The following ACVR1B variants were observed in gnomAD, a reference collection of about 807,000 sequenced individuals.
ACVR1B encodes activin A receptor type 1B.
A neutral mutation model predicts 55.6 loss-of-function variants in ACVR1B; 15 were observed. That is an observed-to-expected ratio of 0.27 (90% CI 0.18 to 0.42). The LOEUF (loss-of-function observed/expected upper bound fraction) is 0.42, where lower values mean the gene tolerates loss of function less well. Among genes scored for constraint, ACVR1B ranks in the 10% least tolerant of loss-of-function variants. ACVR1B has a pLI of 1.00. For synonymous variants in ACVR1B, 247 were observed against 254.6 expected, an observed-to-expected ratio of 0.97 and a Z score of 0.28; for missense variants, 359 against 670.1, an observed-to-expected ratio of 0.54 and a Z score of 5.13.
intron 7 of ACVR1B, among the ~76,000 whole-genome samples, chr12:51,989,351 CT>C (rs956144162): frequency 6.6e-6 from 1 of 152,236 alleles, no homozygotes; most frequent in African/African-American, 2.4e-5. Flanking sequence ...ATGGCACAAT[CT>C]TAGCTCACTG....
intron 8 of ACVR1B, among the ~76,000 whole-genome samples, chr12:51,993,764 CTAAAAAA>C (rs1224013874): frequency 3.3e-5 from 2 of 60,076 alleles, no homozygotes; most frequent in African/African-American, 1.3e-4. Flanking sequence ...GAGACTCCTT[CTAAAAAA>C]AAAAAAAAAA....
At chr12:51,989,848 G>A (rs1440283360) in intron 7 of ACVR1B, among the ~76,000 whole-genome samples, 3 of 152,074 alleles carry the variant, frequency 2.0e-5, no homozygotes, top group Non-Finnish European at 4.4e-5. Flanking sequence ...TGCCAGGTAT[G>A]GTAGCGTACG....
At chr12:51,951,894 T>A (rs2120385096) in intron 1 of ACVR1B, 60 bp downstream of exon 1, 1 of 1,084,398 alleles carries the variant, frequency 9.2e-7, no homozygotes, top group Non-Finnish European at 1.2e-6. Context: ...GGGCGAGGCC[T>A]CGAGCCGCGG....
Position 51,991,876 on chromosome 12 carries a change from A to G in ACVR1B, c.1275A>G (p.Glu425=). ...RRCNSGGVHE[E]YQLPYYDLVP... ...CTTTTCTCCCAGGAGTCCATGAAGA[A>G]TATCAGCTGCCATATTACGACTTAG... Residue 425 remains glutamate, a synonymous_variant, in exon 8 of 9, where the codon GAA becomes GAG. Coordinates refer to ENST00000257963, the MANE Select transcript of ACVR1B (RefSeq NM_004302.5). The G allele has an allele frequency of 6.2e-7, 1 of 1,613,650 alleles. No individual in the cohort carries two copies. Among genetic ancestry groups the G allele is most frequent in the South Asian group, 1.1e-5 (1 of 90,968 alleles).
intron 2 of ACVR1B, among the ~76,000 whole-genome samples, chr12:51,976,003 G>A (rs1470889164): frequency 1.3e-5 from 2 of 152,232 alleles, no homozygotes; most frequent in Non-Finnish European, 2.9e-5. Context: ...AACTAAAGCA[G>A]AGCTTAGAGG....
intron 1 of ACVR1B, among the ~76,000 whole-genome samples, chr12:51,957,521 T>C (rs2120436741): frequency 6.6e-6 from 1 of 151,776 alleles, no homozygotes; most frequent in East Asian, 1.9e-4. Flanking sequence ...TCCTCCTTTG[T>C]CAGCCTCCCA....
At chr12:51,993,289 T>C (rs1942229254) in intron 8 of ACVR1B, among the ~76,000 whole-genome samples, 1 of 152,210 alleles carries the variant, frequency 6.6e-6, no homozygotes, top group Non-Finnish European at 1.5e-5. Flanking sequence ...CTAGAGGGCA[T>C]TTCTGCATTT....
rs751694278 is a variant in ACVR1B at position 51,976,416 on chromosome 12, A to G, written c.421A>G (p.Ile141Val). 9.3e-6 allele frequency: 15 copies of G among 1,613,788 alleles called. No individual in the cohort carries two copies. The highest frequency in any genetic ancestry group is 8.3e-5 in the Admixed American group (5 of 59,988). The change falls in exon 3 of 9, where the codon ATC becomes GTC. Residue 141 changes from isoleucine to valine, a missense_variant. By Grantham distance (29) the Ile-to-Val change is conservative. Transcript: ENST00000257963. ...CGGCCCGGTGTTCCTCCTGTTCCTCATCATCATCATTGTTTTCCTTGTCAT... is the reference window on the plus strand; with the variant it reads ...CGGCCCGGTGTTCCTCCTGTTCCTCGTCATCATCATTGTTTTCCTTGTCAT... ...IAGPVFLLFL[I>V]IIIVFLVINY...
chr12:51,968,257 C>T (rs771510984), intron 1 of ACVR1B, among the ~76,000 whole-genome samples: 19 of 152,186 alleles, frequency 1.2e-4, no homozygotes, highest in Non-Finnish European at 2.5e-4. Flanking sequence ...TATTTCTTCA[C>T]TCGTATTGAG....
chr12:51,992,965 G>A (rs1377054820), intron 8 of ACVR1B, among the ~76,000 whole-genome samples: 1 of 152,196 alleles, frequency 6.6e-6, no homozygotes, highest in African/African-American at 2.4e-5. Flanking sequence ...TTTCACTTGC[G>A]GTTCTGCATT....
intron 4 of ACVR1B, chr12:51,982,630 T>C: frequency 1.4e-6 from 2 of 1,456,738 alleles, no homozygotes; most frequent in South Asian, 2.8e-5. Context: ...ATTTAGAAGT[T>C]AGTGTCTACA....
intron 1 of ACVR1B, among the ~76,000 whole-genome samples, chr12:51,958,385 T>C (rs1941451863): frequency 6.6e-6 from 1 of 152,054 alleles, no homozygotes; most frequent in East Asian, 1.9e-4. Context: ...CTGTTCCACC[T>C]CAGATCATCA....
chr12:51,954,918 G>A (rs914122181), intron 1 of ACVR1B, among the ~76,000 whole-genome samples: 5 of 152,178 alleles, frequency 3.3e-5, no homozygotes, highest in East Asian at 1.9e-4. Context: ...ATTGATAGAC[G>A]TACAGCATGT....
At chr12:51,992,679 A>G (rs1478936544) in intron 8 of ACVR1B, among the ~76,000 whole-genome samples, 6 of 152,222 alleles carry the variant, frequency 3.9e-5, no homozygotes, top group African/African-American at 9.6e-5. Context: ...CCCTGAGACC[A>G]GACAGAGGAG....
At chr12:51,989,040 G>A (rs1185622692) in intron 7 of ACVR1B, among the ~76,000 whole-genome samples, 2 of 152,060 alleles carry the variant, frequency 1.3e-5, no homozygotes, top group Non-Finnish European at 2.9e-5. Context: ...CAAGGTGGGC[G>A]GATCACCTGG....
At chr12:51,971,985 G>A (rs1410182041) in intron 1 of ACVR1B, among the ~76,000 whole-genome samples, 1 of 152,306 alleles carries the variant, frequency 6.6e-6, no homozygotes, top group Admixed American at 6.5e-5. Flanking sequence ...ACTGAAACTT[G>A]CCACTTCCTA....
At chr12:51,972,552 A>T (rs1211769440) in intron 1 of ACVR1B, among the ~76,000 whole-genome samples, 2 of 152,220 alleles carry the variant, frequency 1.3e-5, no homozygotes, top group African/African-American at 2.4e-5. Context: ...TCACACAGCA[A>T]CAAAATTGCC....
intron 8 of ACVR1B, 122 bp from the exon 9 acceptor site, chr12:51,993,863 G>T: frequency 7.8e-7 from 1 of 1,276,166 alleles, no homozygotes; most frequent in Non-Finnish European, 1.1e-6. Flanking sequence ...CGGCCGCCGG[G>T]TGGATGTGGA....
intron 5 of ACVR1B, among the ~76,000 whole-genome samples, chr12:51,984,439 T>TA (rs1303373402): frequency 6.6e-6 from 1 of 152,184 alleles, no homozygotes; most frequent in African/African-American, 2.4e-5. Flanking sequence ...AGTCATTTGT[T>TA]ACGAAGGAGT....
Sources: gnomAD v4.1 joint callset for allele counts (sites outside exome capture counted in the v4.1 genomes callset) on GRCh38, gnomAD v4.1.1 for gene constraint, MANE v1.5 for transcripts, NCBI Gene and HGNC (gene_info 2026-07-23, HGNC 2026-07-21) for gene names.